FMR1: variants seen among roughly 807,000 people sequenced by gnomAD.
The protein encoded by FMR1 is FMRP translational regulator 1.
In FMR1, 13 loss-of-function variants were observed where a neutral mutation model predicts 50.6. The ratio of observed to expected loss-of-function variants is 0.26; its 90% confidence interval spans 0.17 to 0.41. FMR1 has a LOEUF of 0.41. Ranked by LOEUF, FMR1 falls within the 10% of genes least tolerant of loss-of-function variation. The pLI, the probability that FMR1 is intolerant of heterozygous loss-of-function variation, is 1.00. For synonymous variants in FMR1, 138 were observed against 164.1 expected, an observed-to-expected ratio of 0.84 and a Z score of 1.22; for missense variants, 316 against 491.3, an observed-to-expected ratio of 0.64 and a Z score of 3.37.
chrX:147,935,736 C>G (rs1157476251), intron 9 of FMR1, among the ~76,000 whole-genome samples: 4 of 111,932 alleles, frequency 3.6e-5, no homozygotes, highest in Non-Finnish European at 7.5e-5. Flanking sequence ...TACTTGAAAT[C>G]CCAAGTTTTA....
At chrX:147,917,153 C>T (rs1407964530) in intron 1 of FMR1, among the ~76,000 whole-genome samples, 1 of 112,047 alleles carries the variant, frequency 8.9e-6, no homozygotes, top group Non-Finnish European at 1.9e-5. Context: ...TAGTTATGTT[C>T]ATTGGTGGTC....
intron 2 of FMR1, among the ~76,000 whole-genome samples, chrX:147,922,296 A>T (rs2043207924): frequency 8.9e-6 from 1 of 112,102 alleles, no homozygotes; most frequent in African/African-American, 3.2e-5. Flanking sequence ...TGTAAATTTT[A>T]AAAAGATAGT....
chrX:147,925,504 AG>A (rs2043356330), intron 2 of FMR1, 35 bp from the exon 3 acceptor site: 2 of 993,874 alleles, frequency 2.0e-6, no homozygotes, highest in African/African-American at 1.9e-5. Context: ...AAACATGAAA[AG>A]CATGTTAAAT....
At chrX:147,919,727 ATTT>A (rs1557176053) in intron 1 of FMR1, among the ~76,000 whole-genome samples, 2 of 112,045 alleles carry the variant, frequency 1.8e-5, no homozygotes, top group African/African-American at 6.5e-5. Flanking sequence ...CTTTACTTTT[ATTT>A]AAGCATTATT....
intron 1 of FMR1, chrX:147,914,389 C>CT (rs1460981477): frequency 1.3e-4 from 15 of 112,191 alleles, no homozygotes; most frequent in African/African-American, 4.9e-4. Context: ...CAAAAGTAAA[C>CT]TGAGTTGCTT....
At chrX:147,944,363 G>C in intron 14 of FMR1, 1 of 754,193 alleles carries the variant, frequency 1.3e-6, no homozygotes, top group Non-Finnish European at 1.6e-6. Flanking sequence ...TCCAATCCAT[G>C]ACCCACAAGA....
intron 2 of FMR1, among the ~76,000 whole-genome samples, chrX:147,924,513 A>T (rs868918308): frequency 0.094 from 6,084 of 64,949 alleles, 529 homozygotes; most frequent in African/African-American, 0.27. Flanking sequence ...ATATATATAT[A>T]TATTTTTTTT....
chrX:147,933,581 C>A (rs1364048101), intron 9 of FMR1: 1 of 884,095 alleles, frequency 1.1e-6, no homozygotes. Context: ...CACCAATACT[C>A]CTAAATGCTG....
At chrX:147,937,798 T>G (rs2043842206) in intron 11 of FMR1, among the ~76,000 whole-genome samples, 198 bp downstream of exon 11, 1 of 112,196 alleles carries the variant, frequency 8.9e-6, no homozygotes, top group Non-Finnish European at 1.9e-5. Flanking sequence ...TAACAACTCT[T>G]ATGCCATAAA....
intron 1 of FMR1, 106 bp from the exon 2 acceptor site, chrX:147,921,827 A>G (rs1202172078): frequency 5.9e-5 from 31 of 526,192 alleles, no homozygotes; most frequent in African/African-American, 1.4e-4. Context: ...TTGAAGTTCT[A>G]TTTTATTCAT....
chrX:147,927,255 A>G (rs1193922269), intron 3 of FMR1, among the ~76,000 whole-genome samples: 1 of 111,590 alleles, frequency 9.0e-6, no homozygotes, highest in African/African-American at 3.3e-5. Context: ...GATGAAAGGG[A>G]CTTTTTCTCC....
chrX:147,917,160 G>A (rs1176230337), intron 1 of FMR1, among the ~76,000 whole-genome samples: 3 of 112,002 alleles, frequency 2.7e-5, no homozygotes, highest in Non-Finnish European at 5.6e-5. Flanking sequence ...GTTCATTGGT[G>A]GTCGGGTGTA....
chrX:147,937,905 G>A (rs782132151), intron 11 of FMR1, among the ~76,000 whole-genome samples, 194 bp from the exon 12 acceptor site: 2 of 111,706 alleles, frequency 1.8e-5, no homozygotes, highest in South Asian at 3.7e-4. Flanking sequence ...TGCAGGTATC[G>A]TAGCTCAAAA....
intron 1 of FMR1, among the ~76,000 whole-genome samples, chrX:147,912,488 C>G (rs935223218): frequency 3.6e-5 from 4 of 112,041 alleles, no homozygotes; most frequent in Non-Finnish European, 7.5e-5. Flanking sequence ...CCGAGCCCCG[C>G]CGGGGTGAGC....
At chrX:147,939,333 CTTATG>C (rs1457550138) in intron 12 of FMR1, among the ~76,000 whole-genome samples, 1 of 108,925 alleles carries the variant, frequency 9.2e-6, no homozygotes, top group African/African-American at 3.4e-5. Context: ...AAAATCTGTT[CTTATG>C]TTAAGTAGTG....
At chrX:147,946,515 C>T (rs1603042112) in intron 16 of FMR1, among the ~76,000 whole-genome samples, 1 of 112,083 alleles carries the variant, frequency 8.9e-6, no homozygotes, top group Non-Finnish European at 1.9e-5. Flanking sequence ...CTGAGCACAT[C>T]CAGGCACCTT....
At chrX:147,928,435 CT>C in intron 4 of FMR1, 42 bp downstream of exon 4, 2 of 1,054,048 alleles carry the variant, frequency 1.9e-6, no homozygotes, top group Non-Finnish European at 2.7e-6. Flanking sequence ...ATATTGTTTC[CT>C]TTTTTTAAAC....
At chrX:147,936,436 A>G in intron 9 of FMR1, 68 bp from the exon 10 acceptor site, 2 of 642,403 alleles carry the variant, frequency 3.1e-6, no homozygotes, top group Non-Finnish European at 5.2e-6. Context: ...AATAGTTTAC[A>G]GTAGGGCTGT....
intron 7 of FMR1, among the ~76,000 whole-genome samples, chrX:147,930,699 T>TA (rs1180486148): frequency 5.4e-5 from 6 of 112,022 alleles, no homozygotes; most frequent in African/African-American, 1.9e-4. Flanking sequence ...TTCCCTAACT[T>TA]ACTATTTTGT....
Sources: allele counts gnomAD v4.1 joint callset (sites outside exome capture counted in the v4.1 genomes callset), GRCh38; gene constraint gnomAD v4.1.1; transcripts MANE v1.5; gene names NCBI Gene and HGNC (gene_info 2026-07-23, HGNC 2026-07-21).